The following EPHB3 variants were observed in gnomAD, a reference collection of about 807,000 sequenced individuals.
EPHB3 encodes EPH receptor B3, also known as ephrin type-B receptor 3.
A neutral mutation model predicts 100.2 loss-of-function variants in EPHB3; 33 were observed. That is an observed-to-expected ratio of 0.33 (90% CI 0.25 to 0.44). The LOEUF is 0.44. Among genes scored for constraint, EPHB3 ranks in the 20% least tolerant of loss-of-function variants. The pLI, the probability that EPHB3 is intolerant of heterozygous loss-of-function variation, is 1.00. For missense variants in EPHB3, 1,045 were observed against 1,378.3 expected, an observed-to-expected ratio of 0.76 and a Z score of 3.83; for synonymous variants, 526 against 554.7, an observed-to-expected ratio of 0.95 and a Z score of 0.73.
rs993354545 is a variant in EPHB3, at chr3:184,562,677, C to A, written c.118+324C>A. On this transcript the variant is annotated intron_variant, in intron 1 of 15. Coordinates refer to ENST00000330394, the MANE Select transcript of EPHB3 (RefSeq NM_004443.4). This position sits in a 1 kb window ranked among gnomAD's most constrained non-coding sequence, Gnocchi z 4.8. ...GGCAGAGAAGTGGGGCTCCCGGCAC[C>A]CCCCGAAGTCGAGGACGTGTGGGCG... Among the ~76,000 whole-genome samples the A allele has an allele frequency of 6.6e-6, 1 of 151,942 alleles. No individual in the cohort carries two copies. Among genetic ancestry groups the A allele is most frequent in the African/African-American group, 2.4e-5 (1 of 41,374 alleles).
Position 184,571,385 on chromosome 3 carries a change from G to A in EPHB3, c.183+3G>A. 1 of 1,613,926 alleles carries A rather than the reference G, an allele frequency of 6.2e-7. No homozygotes were observed. Among genetic ancestry groups the A allele is most frequent in the Non-Finnish European group, 8.5e-7 (1 of 1,179,868 alleles). The stretch of plus-strand genomic sequence containing the variant: ...GGACATCTCATCCAGAAAGTGGGGT[G>A]AGGCTTTCCCATCATTCTCCTGAGT... On this transcript the variant is annotated splice_donor_region_variant and intron_variant, in intron 2 of 15. Coordinates refer to ENST00000330394, the MANE Select transcript of EPHB3 (RefSeq NM_004443.4). This position sits in a 1 kb window ranked among gnomAD's most constrained non-coding sequence, Gnocchi z 5.0.
chr3:184,578,882 C>T lies in EPHB3; in HGVS notation c.1801+416C>T, dbSNP rs1325965235. Among the ~76,000 whole-genome samples the T allele has an allele frequency of 6.6e-6, 1 of 152,034 alleles. No homozygotes were observed. Among genetic ancestry groups the T allele is most frequent in the Non-Finnish European group, 1.5e-5 (1 of 68,014 alleles). On this transcript the variant is annotated intron_variant, in intron 9 of 15. Transcript: ENST00000330394. This position sits in a 1 kb window ranked among gnomAD's most constrained non-coding sequence, Gnocchi z 4.7. ...CAGGGTGTTGGGAGGTGAGGGAGAGCATTCCTGGCCAGAGGAGCCTCTGGA... is the reference window on the plus strand; with the variant it reads ...CAGGGTGTTGGGAGGTGAGGGAGAGTATTCCTGGCCAGAGGAGCCTCTGGA...
rs762391725 is a variant in EPHB3, at chr3:184,573,160, G to A, written c.840G>A (p.Lys280=). The A allele has an allele frequency of 1.1e-5, 18 of 1,612,220 alleles. No individual in the cohort carries two copies. The highest frequency in any genetic ancestry group is 1.4e-5 in the Non-Finnish European group (16 of 1,180,030). The change falls in exon 3 of 16, where the codon AAG becomes AAA. Residue 280 remains lysine, a synonymous_variant. Transcript: ENST00000330394. The surrounding 1 kb of genome is among the most constrained non-coding windows in gnomAD (Gnocchi z 4.5). ...TCATGHEPAA[K]ESQCRPCPPG... ...CCACCGGCCATGAGCCAGCTGCCAA[G>A]GAGTCCCAGTGCCGCCGTGAGTGGG...
intron 1 of EPHB3, among the ~76,000 whole-genome samples, chr3:184,567,404 A>G (rs1352187752): frequency 1.3e-5 from 2 of 152,140 alleles, no homozygotes; most frequent in East Asian, 3.9e-4. Flanking sequence ...GGGCAGGATG[A>G]GGGGTACCAC....
At chr3:184,566,970 C>A (rs1714400279) in intron 1 of EPHB3, among the ~76,000 whole-genome samples, 1 of 152,154 alleles carries the variant, frequency 6.6e-6, no homozygotes, top group South Asian at 2.1e-4. Flanking sequence ...CAGCTGGTGC[C>A]CCTCCCACAG....
At position 184,565,501 on chromosome 3, in the gene EPHB3, G is replaced by A. The variant is rs1025579762; in HGVS notation, c.118+3148G>A. 7.9e-5 allele frequency among the ~76,000 whole-genome samples: 12 copies of A among 152,162 alleles called. No individual in the cohort carries two copies. The highest frequency in any genetic ancestry group is 1.6e-4 in the Non-Finnish European group (11 of 68,026). ...AGAAAAGAGAAACAGTTACCAGATC[G>A]CAGGAGGTGGGGCCAGCACGTCCCC... On this transcript the variant is annotated intron_variant, in intron 1 of 15. Coordinates refer to ENST00000330394, the MANE Select transcript of EPHB3 (RefSeq NM_004443.4). The surrounding 1 kb of genome is among the most constrained non-coding windows in gnomAD (Gnocchi z 4.8).
At chr3:184,576,814 C>G (rs1714686367) in intron 4 of EPHB3, 28 bp from the exon 5 acceptor site, 1 of 1,520,448 alleles carries the variant, frequency 6.6e-7, no homozygotes, top group Admixed American at 2.1e-5. Context: ...CCCCAGCTCA[C>G]TACCTTCTCC....
chr3:184,566,827 G>A (rs564058044), intron 1 of EPHB3, among the ~76,000 whole-genome samples: 238 of 152,358 alleles, frequency 1.6e-3, no homozygotes, highest in Non-Finnish European at 2.8e-3. Context: ...TCTGTCTTTA[G>A]TTGTTTTGTG....
At position 184,577,998 on chromosome 3, in the gene EPHB3, C is replaced by T; in HGVS notation, c.1740C>T (p.Val580=). The T allele has an allele frequency of 6.2e-7, 1 of 1,613,958 alleles. No individual in the cohort carries two copies. Among genetic ancestry groups the T allele is most frequent in the Non-Finnish European group, 8.5e-7 (1 of 1,179,938 alleles). Residue 580 remains valine (V), a synonymous_variant, in exon 8 of 16, where the codon GTC becomes GTT. Transcript: ENST00000330394. This position sits in a 1 kb window ranked among gnomAD's most constrained non-coding sequence, Gnocchi z 4.9. The stretch of plus-strand genomic sequence containing the variant: ...TGGCTGTCGTGGTCATCGCTATCGT[C>T]TGCCTCAGGTACTCCCAGGCCCACT... ...FVVAVVVIAI[V]CLRKQRHGSD...
At position 184,571,081 on chromosome 3, in the gene EPHB3, G is replaced by A. The variant is rs1488562288; in HGVS notation, c.119-237G>A. The stretch of plus-strand genomic sequence containing the variant: ...AGCGATTCTCCTGCCTCAGCCTCCC[G>A]AGTAGCTGGGATTACAGGCGTGCGC... On this transcript the variant is annotated intron_variant, in intron 1 of 15. Transcript: ENST00000330394. The surrounding 1 kb of genome is among the most constrained non-coding windows in gnomAD (Gnocchi z 5.0). 2.0e-5 allele frequency among the ~76,000 whole-genome samples: 3 copies of A among 151,620 alleles called. No individual in the cohort carries two copies. Among genetic ancestry groups the A allele is most frequent in the African/African-American group, 4.9e-5 (2 of 41,200 alleles).
chr3:184,578,309 C>T lies in EPHB3; in HGVS notation c.1749-105C>T. 1 of 1,523,058 alleles carries T rather than the reference C, an allele frequency of 6.6e-7. No homozygotes were observed. Among genetic ancestry groups the T allele is most frequent in the Non-Finnish European group, 9.0e-7 (1 of 1,110,064 alleles). The allele number at this position is 1,523,058 out of a possible 1,614,324, so 94.3% of individuals were successfully genotyped here. On this transcript the variant is annotated intron_variant, in intron 8 of 15. Transcript: ENST00000330394. This position sits in a 1 kb window ranked among gnomAD's most constrained non-coding sequence, Gnocchi z 4.7. ...CCAATTGTGGGACTAGGCCCCAGGC[C>T]ATCCCCTGTATCCTCTCCGCCCCTT... is the stretch of plus-strand genomic sequence containing the variant.
Position 184,582,136 on chromosome 3 carries a change from G to T in EPHB3, c.*514G>T, listed in dbSNP as rs768617198. 2.5e-5 allele frequency: 4 copies of T among 157,846 alleles called. No homozygotes were observed. Among genetic ancestry groups the T allele is most frequent in the Non-Finnish European group, 5.6e-5 (4 of 71,210 alleles). 9.8% of individuals were successfully genotyped at this position (157,846 alleles called of 1,614,324 possible). A position where few individuals can be genotyped will look rare whatever the true frequency, so the allele number is the denominator to read the frequency against. ...CACAGGGATTTGTTCTGGGGGCTGAGGGCCCTGTCCCCACCCCCGCCCTTG... is the reference window on the plus strand; with the variant it reads ...CACAGGGATTTGTTCTGGGGGCTGATGGCCCTGTCCCCACCCCCGCCCTTG... On this transcript the variant is annotated 3_prime_UTR_variant, in exon 16 of 16. Coordinates refer to ENST00000330394, the MANE Select transcript of EPHB3 (RefSeq NM_004443.4).
intron 1 of EPHB3, among the ~76,000 whole-genome samples, chr3:184,568,703 C>G (rs969961564): frequency 6.6e-6 from 1 of 151,128 alleles, no homozygotes; most frequent in Non-Finnish European, 1.5e-5. Flanking sequence ...AGGGAGCAGG[C>G]TCCTCCTCTC....
chr3:184,581,672 C>G lies in EPHB3; in HGVS notation c.*50C>G. ...GGACCGTGCAGGGATGCCAAGCAGC[C>G]GGCTGGACTTTCGGACTCTTGGACT... On this transcript the variant is annotated 3_prime_UTR_variant, in exon 16 of 16. Transcript: ENST00000330394. The G allele has an allele frequency of 6.7e-7, 1 of 1,489,082 alleles. No homozygotes were observed. Among genetic ancestry groups the G allele is most frequent in the Non-Finnish European group, 9.0e-7 (1 of 1,114,474 alleles). The allele number at this position is 1,489,082 out of a possible 1,614,324, so 92.2% of individuals were successfully genotyped here. A position where few individuals can be genotyped will look rare whatever the true frequency, so the allele number is the denominator to read the frequency against.
Position 184,573,270 on chromosome 3 carries a change from T to A in EPHB3, c.856+94T>A. 1 of 1,487,504 alleles carries A rather than the reference T, an allele frequency of 6.7e-7. No individual in the cohort carries two copies. The allele number at this position is 1,487,504 out of a possible 1,614,324, so 92.1% of individuals were successfully genotyped here. A position where few individuals can be genotyped will look rare whatever the true frequency, so the allele number is the denominator to read the frequency against. On this transcript the variant is annotated intron_variant, in intron 3 of 15. Transcript: ENST00000330394. This position sits in a 1 kb window ranked among gnomAD's most constrained non-coding sequence, Gnocchi z 4.5. Reference sequence around the variant, plus strand: ...CCCCCACCCCTGCTTGCTATCTGACTAGGAGGTCTGGGAGCAGGTCCACAG... The same window carrying A: ...CCCCCACCCCTGCTTGCTATCTGACAAGGAGGTCTGGGAGCAGGTCCACAG...
Position 184,577,816 on chromosome 3 carries a change from A to G in EPHB3, c.1638A>G (p.Arg546=), listed in dbSNP as rs774451994. ...RPAEFETTSE[R]GSGAQQLQEQ... ...CCGAGTTTGAGACCACAAGTGAGAG[A>G]GGTTAGTAGCCCCCTGCGCCTGTCC... Residue 546 remains arginine (R), a splice_region_variant and synonymous_variant, in exon 7 of 16, where the codon AGA becomes AGG. Coordinates refer to ENST00000330394, the MANE Select transcript of EPHB3 (RefSeq NM_004443.4). This position sits in a 1 kb window ranked among gnomAD's most constrained non-coding sequence, Gnocchi z 4.9. 1.2e-6 allele frequency: 2 copies of G among 1,604,368 alleles called. No homozygotes were observed. Among genetic ancestry groups the G allele is most frequent in the South Asian group, 2.2e-5 (2 of 90,382 alleles).
Position 184,582,269 on chromosome 3 carries a change from TGTGTGTGTGCGC to T in EPHB3, c.*649_*660del, listed in dbSNP as rs58833643. ...GGATGTGTGAGTGTGTGTGTGTGTG[TGTGTGTGTGCGC>T]GCGCGCGCGCGTGTGTGTGTGCACG... On this transcript the variant is annotated 3_prime_UTR_variant, in exon 16 of 16. Coordinates refer to ENST00000330394, the MANE Select transcript of EPHB3 (RefSeq NM_004443.4). The T allele has an allele frequency of 0.27, 40,956 of 149,288 alleles. 5,693 individuals are homozygous for T. The highest frequency in any genetic ancestry group is 0.4 in the Middle Eastern group (118 of 296). 9.2% of individuals were successfully genotyped at this position (149,288 alleles called of 1,614,324 possible).
At position 184,579,645 on chromosome 3, in the gene EPHB3, G is replaced by A. The variant is rs1714770246; in HGVS notation, c.1925-42G>A. The A allele has an allele frequency of 1.2e-6, 2 of 1,611,046 alleles. No individual in the cohort carries two copies. Among genetic ancestry groups the A allele is most frequent in the African/African-American group, 2.7e-5 (2 of 74,832 alleles). ...TAGAGATGAGAAGCTGAGGCGGGCT[G>A]GGTACAGGAGTGAGTCATAGCTTGT... On this transcript the variant is annotated intron_variant, in intron 10 of 15. Coordinates refer to ENST00000330394, the MANE Select transcript of EPHB3 (RefSeq NM_004443.4). This position sits in a 1 kb window ranked among gnomAD's most constrained non-coding sequence, Gnocchi z 5.2.
rs1714495519 is a variant in EPHB3 at position 184,569,750 on chromosome 3, C to T, written c.119-1568C>T. 6.6e-6 allele frequency among the ~76,000 whole-genome samples: 1 copy of T among 152,278 alleles called. No homozygotes were observed. Among genetic ancestry groups the T allele is most frequent in the African/African-American group, 2.4e-5 (1 of 41,482 alleles). On this transcript the variant is annotated intron_variant, in intron 1 of 15. Coordinates refer to ENST00000330394, the MANE Select transcript of EPHB3 (RefSeq NM_004443.4). The surrounding 1 kb of genome is among the most constrained non-coding windows in gnomAD (Gnocchi z 5.4). ...TCCACCCACGGGGTCCTCCGCCGTC[C>T]TCGGCTCAGACCCAGCCTCCGGGAA...
Sources: allele counts gnomAD v4.1 joint callset (sites outside exome capture counted in the v4.1 genomes callset), GRCh38; gene constraint gnomAD v4.1.1; non-coding constraint Gnocchi (gnomAD v3.1); transcripts MANE v1.5; gene names NCBI Gene and HGNC (gene_info 2026-07-23, HGNC 2026-07-21).